Variants in MAN1A2 observed in about 807,000 individuals in gnomAD.
The protein encoded by MAN1A2 is mannosidase alpha class 1A member 2.
In MAN1A2, 26 loss-of-function variants were observed where a neutral mutation model predicts 75.7. The observed-to-expected ratio is 0.34, with a 90% CI of 0.25 to 0.48. MAN1A2 has a LOEUF of 0.48. Among genes scored for constraint, MAN1A2 ranks in the 20% least tolerant of loss-of-function variants. The pLI is 0.99. For synonymous variants in MAN1A2, 247 were observed against 264.6 expected, an observed-to-expected ratio of 0.93 and a Z score of 0.65; for missense variants, 562 against 775.5, an observed-to-expected ratio of 0.72 and a Z score of 3.27.
intron 3 of MAN1A2, among the ~76,000 whole-genome samples, chr1:117,407,942 A>C (rs1245028641): frequency 3.3e-5 from 5 of 152,094 alleles, no homozygotes; most frequent in Non-Finnish European, 1.5e-5. Context: ...TGAAATACTC[A>C]CTGTTTCTTA....
chr1:117,438,660 T>G (rs1648927728), intron 5 of MAN1A2, among the ~76,000 whole-genome samples: 1 of 152,232 alleles, frequency 6.6e-6, no homozygotes, highest in African/African-American at 2.4e-5. Context: ...TCTGTATTTT[T>G]ACTGTACTTT....
chr1:117,428,018 T>G (rs981075498), intron 5 of MAN1A2, among the ~76,000 whole-genome samples: 1 of 152,056 alleles, frequency 6.6e-6, no homozygotes, highest in African/African-American at 2.4e-5. Context: ...AGGACATAAT[T>G]AATCCCTGGG....
At chr1:117,508,545 T>G (rs1335558455) in intron 12 of MAN1A2, among the ~76,000 whole-genome samples, 1 of 151,638 alleles carries the variant, frequency 6.6e-6, no homozygotes, top group Non-Finnish European at 1.5e-5. Flanking sequence ...TTATATATAC[T>G]TATATACTTA....
intron 1 of MAN1A2, among the ~76,000 whole-genome samples, chr1:117,372,929 C>T (rs573909792): frequency 5.9e-5 from 9 of 152,124 alleles, no homozygotes; most frequent in Admixed American, 3.9e-4. Flanking sequence ...TATATGTTTA[C>T]CTTTGATACT....
At chr1:117,395,131 A>G (rs570892262) in intron 1 of MAN1A2, among the ~76,000 whole-genome samples, 26 of 152,346 alleles carry the variant, frequency 1.7e-4, no homozygotes, top group Admixed American at 4.6e-4. Context: ...AGAGAGGCTG[A>G]GAAATAGAGT....
intron 3 of MAN1A2, among the ~76,000 whole-genome samples, chr1:117,412,144 TTCTAGA>T (rs2101767854): frequency 1.3e-5 from 2 of 151,908 alleles, no homozygotes; most frequent in Non-Finnish European, 3.0e-5. Flanking sequence ...TCTATGAAAC[TTCTAGA>T]ATATGGTATT....
At chr1:117,504,625 A>G (rs993514992) in intron 12 of MAN1A2, among the ~76,000 whole-genome samples, 3 of 151,292 alleles carry the variant, frequency 2.0e-5, no homozygotes, top group Non-Finnish European at 4.4e-5. Flanking sequence ...AATTTCTCCA[A>G]TTGTTCCAAT....
intron 5 of MAN1A2, among the ~76,000 whole-genome samples, chr1:117,436,691 T>C (rs1648861103): frequency 6.6e-6 from 1 of 152,152 alleles, no homozygotes; most frequent in Admixed American, 6.5e-5. Flanking sequence ...ACAAGCTGAG[T>C]GTTCTCCTAT....
chr1:117,381,173 T>C (rs1653321503), intron 1 of MAN1A2, among the ~76,000 whole-genome samples: 2 of 152,170 alleles, frequency 1.3e-5, no homozygotes, highest in South Asian at 4.1e-4. Context: ...ATTTCTGGTG[T>C]GTAGAAGCGC....
intron 8 of MAN1A2, among the ~76,000 whole-genome samples, chr1:117,478,977 A>T (rs1456224966): frequency 2.0e-5 from 3 of 151,490 alleles, no homozygotes; most frequent in Admixed American, 2.0e-4. Context: ...TGCTTGTTAC[A>T]TAGGTAAACG....
intron 12 of MAN1A2, among the ~76,000 whole-genome samples, chr1:117,513,135 T>C (rs1161155659): frequency 6.6e-6 from 1 of 152,250 alleles, no homozygotes; most frequent in East Asian, 1.9e-4. Flanking sequence ...AACTCTAATC[T>C]GCTTTCTGTC....
rs1648724987 is a variant in MAN1A2 at position 117,433,015 on chromosome 1, T to C, written c.856-9216T>C. 4.0e-5 allele frequency among the ~76,000 whole-genome samples: 6 copies of C among 150,918 alleles called. No individual in the cohort carries two copies. In the South Asian group the frequency reaches 1.2e-3, roughly 31 times the overall value. On this transcript the variant is annotated intron_variant, in intron 5 of 12. Coordinates refer to ENST00000356554, the MANE Select transcript of MAN1A2 (RefSeq NM_006699.5). ...TTGTAGGAAAGCAAAGTTAAAGATTTGAAAAAGCAGTTAATGTAATTAATC... is the reference window on the plus strand; with the variant it reads ...TTGTAGGAAAGCAAAGTTAAAGATTCGAAAAAGCAGTTAATGTAATTAATC...
At chr1:117,470,618 T>A (rs1399168186) in intron 8 of MAN1A2, among the ~76,000 whole-genome samples, 1 of 152,042 alleles carries the variant, frequency 6.6e-6, no homozygotes, top group Non-Finnish European at 1.5e-5. Flanking sequence ...TAGAAAGAGC[T>A]ATTCACTGGT....
At position 117,414,809 on chromosome 1, in the gene MAN1A2, A is replaced by G. The variant is rs779652584; in HGVS notation, c.752A>G (p.Glu251Gly). 6.2e-7 allele frequency: 1 copy of G among 1,603,986 alleles called. No individual in the cohort carries two copies. The highest frequency in any genetic ancestry group is 1.1e-5 in the South Asian group (1 of 90,824). ...TTCCTAGATGGGCAAAGATGGATTGAAGACAACCTTGATTTCAGTGTGGTG... is the reference window on the plus strand; with the variant it reads ...TTCCTAGATGGGCAAAGATGGATTGGAGACAACCTTGATTTCAGTGTGGTG... ...DEFLDGQRWI[E>G]DNLDFSVNSE... Residue 251 changes from glutamate (E) to glycine (G), a missense_variant, in exon 4 of 13, where the codon GAA becomes GGA. Transcript: ENST00000356554.
intron 6 of MAN1A2, among the ~76,000 whole-genome samples, chr1:117,457,495 A>G (rs1165701690): frequency 1.3e-5 from 2 of 152,062 alleles, no homozygotes; most frequent in East Asian, 3.8e-4. Context: ...CTGAGTTGCT[A>G]GGATATATGT....
intron 3 of MAN1A2, among the ~76,000 whole-genome samples, chr1:117,410,121 A>T (rs1647758431): frequency 6.6e-6 from 1 of 151,908 alleles, no homozygotes; most frequent in African/African-American, 2.4e-5. Flanking sequence ...TTGTTTTTTA[A>T]ATTGCTGTGT....
At chr1:117,513,961 T>G (rs988277491) in intron 12 of MAN1A2, among the ~76,000 whole-genome samples, 2 of 152,072 alleles carry the variant, frequency 1.3e-5, no homozygotes, top group African/African-American at 2.4e-5. Context: ...ATGAATAGAG[T>G]AATAGATTTG....
chr1:117,383,374 G>A (rs1653417508), intron 1 of MAN1A2, among the ~76,000 whole-genome samples: 1 of 152,112 alleles, frequency 6.6e-6, no homozygotes, highest in Non-Finnish European at 1.5e-5. Context: ...CTAGTATTTT[G>A]AGGATTTTTG....
At chr1:117,416,290 A>G (rs940808965) in intron 4 of MAN1A2, among the ~76,000 whole-genome samples, 14 of 152,040 alleles carry the variant, frequency 9.2e-5, no homozygotes, top group African/African-American at 3.4e-4. Flanking sequence ...TATCTTAACT[A>G]CAATTTTTTT....
Sources: gnomAD v4.1 joint callset for allele counts (sites outside exome capture counted in the v4.1 genomes callset) on GRCh38, gnomAD v4.1.1 for gene constraint, MANE v1.5 for transcripts, NCBI Gene and HGNC (gene_info 2026-07-23, HGNC 2026-07-21) for gene names.